Variants in PAICS observed in about 807,000 individuals in gnomAD.
The protein encoded by PAICS is bifunctional phosphoribosylaminoimidazole carboxylase/phosphoribosylaminoimidazole succinocarboxamide synthetase.
A neutral mutation model predicts 53.7 loss-of-function variants in PAICS; 33 were observed. That is an observed-to-expected ratio of 0.61 (90% CI 0.47 to 0.82). The LOEUF is 0.82. Ranked by LOEUF, PAICS falls within the 40% of genes least tolerant of loss-of-function variation. PAICS has a pLI of 0.00. For missense variants in PAICS, 394 were observed against 494.1 expected (o/e 0.80, Z 1.92); for synonymous variants, 141 against 167.2 (o/e 0.84, Z 1.21).
At chr4:56,455,979 A>G (rs191043313) in intron 8 of PAICS, among the ~76,000 whole-genome samples, 1 of 151,996 alleles carries the variant, frequency 6.6e-6, no homozygotes, top group East Asian at 1.9e-4. Flanking sequence ...CTCTCTTCTC[A>G]TTTTTGAATT....
Position 56,448,547 on chromosome 4 carries a change from A to G in PAICS, c.523A>G (p.Ile175Val). Residue 175 changes from isoleucine to valine, a missense_variant, in exon 4 of 9, where the codon ATA becomes GTA. This residue lies in a region of PAICS where 168 missense variants were observed against 199.3 expected (regional missense o/e 0.84). Coordinates refer to ENST00000512576, the MANE Select transcript of PAICS (RefSeq NM_001079524.2). ...TCATGCTACACAGGCTATATTTGAA[A>G]TACTGGAGAAATCCTGGTTGCCCCA... ...MSHATQAIFEILEKSWLPQNC... is the reference protein window; with the variant it reads ...MSHATQAIFEVLEKSWLPQNC... 6.2e-7 allele frequency: 1 copy of G among 1,609,918 alleles called. No individual in the cohort carries two copies.
rs111508334 is a variant in PAICS at position 56,448,226 on chromosome 4, C to T, written c.394-192C>T. Reference sequence around the variant, plus strand: ...TTCACTGTGTTGGCCAGGCTGGTCTCGAACTCCTGATCTTGTGATCCGCCC... The same window carrying T: ...TTCACTGTGTTGGCCAGGCTGGTCTTGAACTCCTGATCTTGTGATCCGCCC... On this transcript the variant is annotated intron_variant, in intron 3 of 8. Coordinates refer to ENST00000512576, the MANE Select transcript of PAICS (RefSeq NM_001079524.2). Among the ~76,000 whole-genome samples the T allele has an allele frequency of 2.1e-3, 316 of 152,012 alleles. 10 individuals carry two copies. The South Asian group carries it at 0.039, about 19-fold the overall frequency.
At chr4:56,450,035 G>T (rs1421609381) in intron 5 of PAICS, among the ~76,000 whole-genome samples, 1 of 151,772 alleles carries the variant, frequency 6.6e-6, no homozygotes, top group Non-Finnish European at 1.5e-5. Flanking sequence ...AATGGATTCA[G>T]CTAGAAGCCA....
Position 56,459,460 on chromosome 4 carries a change from C to T in PAICS, c.1200C>T (p.Ser400=), listed in dbSNP as rs372555470. The change falls in exon 9 of 9, where the codon AGC becomes AGT. Residue 400 remains serine (S), a synonymous_variant. Transcript: ENST00000512576. ...IFGLSNHLVW[S]KLRASILNTW... is the part of the protein sequence containing the mutation. Reference sequence around the variant, plus strand: ...GGTTAAGCAACCATTTGGTATGGAGCAAACTGCGAGCAAGCATTTTGAACA... The same window carrying T: ...GGTTAAGCAACCATTTGGTATGGAGTAAACTGCGAGCAAGCATTTTGAACA... The T allele has an allele frequency of 4.7e-5, 76 of 1,607,740 alleles. No individual in the cohort carries two copies. The highest frequency in any genetic ancestry group is 3.3e-4 in the Middle Eastern group (2 of 6,056).
chr4:56,420,131 A>T, the PAICS span: 2 of 337,786 alleles, frequency 5.9e-6, no homozygotes, highest in African/African-American at 4.5e-5. Context: ...GCCTGGGATC[A>T]GAAGTGTTTC....
At chr4:56,426,346 G>A in the PAICS span, among the ~76,000 whole-genome samples, 2 of 151,998 alleles carry the variant, frequency 1.3e-5, no homozygotes, top group South Asian at 4.2e-4. Context: ...AGGTTGCAGT[G>A]AGCCGTGGTC....
upstream of PAICS, chr4:56,436,154 C>A: frequency 6.7e-7 from 1 of 1,492,632 alleles, no homozygotes; most frequent in South Asian, 1.3e-5. Context: ...CGCCCATACC[C>A]CTCCGGGTTA....
At chr4:56,449,603 C>G (rs1718793408) in intron 5 of PAICS, among the ~76,000 whole-genome samples, 1 of 152,008 alleles carries the variant, frequency 6.6e-6, no homozygotes, top group African/African-American at 2.4e-5. Context: ...GACATGGAAC[C>G]AACCCAAATG....
At position 56,464,452 on chromosome 4, in the gene PAICS, C is replaced by T. The variant is rs550132491; in HGVS notation, c.*4914C>T. The T allele has an allele frequency of 6.6e-6, 1 of 152,290 alleles. No individual in the cohort carries two copies. The highest frequency in any genetic ancestry group is 6.5e-5 in the Admixed American group (1 of 15,290). 9.4% of individuals were successfully genotyped at this position (152,290 alleles called of 1,614,324 possible). A position where few individuals can be genotyped will look rare whatever the true frequency, so the allele number is the denominator to read the frequency against. ...ACTGTGAATGAAAAAGACTAATTCT[C>T]CACAGTCTATACTCAATCTCTCTTA... On this transcript the variant is annotated 3_prime_UTR_variant, in exon 9 of 9. Transcript: ENST00000512576.
At chr4:56,439,735 G>C (rs1055191719) in intron 1 of PAICS, among the ~76,000 whole-genome samples, 1 of 151,630 alleles carries the variant, frequency 6.6e-6, no homozygotes, top group Non-Finnish European at 1.5e-5. Context: ...GGCCCACTGC[G>C]GCCTCGACCT....
intron 5 of PAICS, among the ~76,000 whole-genome samples, 182 bp downstream of exon 5, chr4:56,449,005 C>A (rs747306694): frequency 6.6e-6 from 1 of 152,138 alleles, no homozygotes; most frequent in Non-Finnish European, 1.5e-5. Context: ...AGGAATAATA[C>A]TTTACATTTA....
the PAICS span, among the ~76,000 whole-genome samples, chr4:56,429,797 G>A: frequency 2.4e-4 from 37 of 152,010 alleles, no homozygotes; most frequent in East Asian, 4.1e-3. Context: ...TCATCCTTCC[G>A]CCCCCATAAA....
At chr4:56,410,982 C>CATAAA in the PAICS span, 1 of 905,712 alleles carries the variant, frequency 1.1e-6, no homozygotes, top group Non-Finnish European at 1.3e-6. Flanking sequence ...TGTAAAAGTT[C>CATAAA]AGGACTTCTG....
the PAICS span, among the ~76,000 whole-genome samples, chr4:56,423,942 T>C: frequency 2.6e-5 from 4 of 152,188 alleles, no homozygotes; most frequent in African/African-American, 9.7e-5. Context: ...GAACGTAGTA[T>C]TGAGGTATAA....
In PAICS at chr4:56,460,672, T is replaced by C. The variant is rs1464425850; in HGVS notation, c.*1134T>C. ...CCGAAGCCTATCCATGGTTTATAGA[T>C]TAAGAATTGATGAGGTAGCTGGGCA... On this transcript the variant is annotated 3_prime_UTR_variant, in exon 9 of 9. Coordinates refer to ENST00000512576, the MANE Select transcript of PAICS (RefSeq NM_001079524.2). The C allele has an allele frequency of 1.3e-5, 2 of 152,144 alleles. No individual in the cohort carries two copies. The highest frequency in any genetic ancestry group is 2.9e-5 in the Non-Finnish European group (2 of 68,048). The allele number at this position is 152,144 out of a possible 1,614,324, so 9.4% of individuals were successfully genotyped here.
intron 8 of PAICS, among the ~76,000 whole-genome samples, chr4:56,455,376 G>GTATATTAAGTATAT (rs1468111377): frequency 2.0e-5 from 3 of 152,142 alleles, no homozygotes; most frequent in Non-Finnish European, 4.4e-5. Context: ...TATGTGTCAA[G>GTATATTAAGTATAT]TATATTAAGT....
At position 56,454,678 on chromosome 4, in the gene PAICS, C is replaced by T. The variant is rs991624248; in HGVS notation, c.1111+917C>T. Among the ~76,000 whole-genome samples the T allele has an allele frequency of 3.9e-5, 6 of 151,938 alleles. No homozygotes were observed. The South Asian group carries it at 1.0e-3, about 26-fold the overall frequency. ...ATTTTCTATATTTTGGATTTGGCTT[C>T]TTACATTTCTAGGTGGTGGTAAACA... On this transcript the variant is annotated intron_variant, in intron 8 of 8. Transcript: ENST00000512576.
chr4:56,435,638 G>C (rs1032666518), upstream of PAICS: 18 of 1,445,644 alleles, frequency 1.2e-5, no homozygotes, highest in Non-Finnish European at 1.6e-5. Flanking sequence ...GCTGTCCCTA[G>C]GTGGCGTGGC....
At chr4:56,455,251 C>T (rs902536638) in intron 8 of PAICS, among the ~76,000 whole-genome samples, 1 of 152,142 alleles carries the variant, frequency 6.6e-6, no homozygotes, top group Non-Finnish European at 1.5e-5. Context: ...TCATCATAGT[C>T]CAAGATATGA....
Sources: gnomAD v4.1 joint callset for allele counts (sites outside exome capture counted in the v4.1 genomes callset) on GRCh38, gnomAD v4.1.1 for gene constraint, gnomAD v4.1.1 regional missense constraint, MANE v1.5 for transcripts, NCBI Gene and HGNC (gene_info 2026-07-23, HGNC 2026-07-21) for gene names.